Variants in ADAMTS2 observed in about 807,000 individuals in gnomAD.
ADAMTS2 encodes A disintegrin and metalloproteinase with thrombospondin motifs 2.
ADAMTS2 carries 50 observed loss-of-function variants against 123.0 expected under a neutral mutation model. The ratio of observed to expected loss-of-function variants is 0.41; its 90% CI spans 0.32 to 0.51. ADAMTS2 has a LOEUF of 0.51. Ranked by LOEUF, ADAMTS2 falls within the 20% of genes least tolerant of loss-of-function variation. The pLI is 0.35. For synonymous variants in ADAMTS2, 678 were observed against 695.4 expected (o/e 0.98, Z 0.39); for missense variants, 1,494 against 1,705.2 (o/e 0.88, Z 2.18).
At chr5:179,295,625 C>T (rs761671611) in intron 2 of ADAMTS2, among the ~76,000 whole-genome samples, 1 of 152,204 alleles carries the variant, frequency 6.6e-6, no homozygotes, top group African/African-American at 2.4e-5. Context: ...CAATTTCCAC[C>T]CTGAAGCACA....
rs563152310 is a variant in ADAMTS2 at position 179,113,282 on chromosome 5, A to G, written c.*585T>C. On this transcript the variant is annotated 3_prime_UTR_variant, in exon 22 of 22. Coordinates refer to ENST00000251582, the MANE Select transcript of ADAMTS2 (RefSeq NM_014244.5). Reference sequence around the variant, plus strand: ...TTTCACAGTGGCAGCAACAGCCAGAACCAAGTCAGCTCCAGGTGGGTGTGG... The same window carrying G: ...TTTCACAGTGGCAGCAACAGCCAGAGCCAAGTCAGCTCCAGGTGGGTGTGG... 6.1e-6 allele frequency: 1 copy of G among 162,616 alleles called. No homozygotes were observed. Among genetic ancestry groups the G allele is most frequent in the East Asian group, 1.7e-4 (1 of 5,870 alleles). The allele number at this position is 162,616 out of a possible 1,614,324, so 10.1% of individuals were successfully genotyped here. A position where few individuals can be genotyped will look rare whatever the true frequency, so the allele number is the denominator to read the frequency against.
At chr5:179,204,992 CG>C (rs1561803953) in intron 4 of ADAMTS2, among the ~76,000 whole-genome samples, 1 of 152,214 alleles carries the variant, frequency 6.6e-6, no homozygotes, top group Non-Finnish European at 1.5e-5. Flanking sequence ...TCTCCTAAAA[CG>C]GTTTCTCTGT....
At chr5:179,154,950 C>T in intron 6 of ADAMTS2, 31 bp from the exon 7 acceptor site, 1 of 1,587,932 alleles carries the variant, frequency 6.3e-7, no homozygotes, top group Non-Finnish European at 8.6e-7. Flanking sequence ...GCTCCAGATG[C>T]TGCCATAGCC....
chr5:179,190,411 G>T (rs34688217), intron 4 of ADAMTS2, among the ~76,000 whole-genome samples: 27,839 of 152,102 alleles, frequency 0.18, 2,874 homozygotes, highest in African/African-American at 0.27. Context: ...GATGCAGTTT[G>T]GTATGAATTG....
rs1762986408 is a variant in ADAMTS2 at position 179,132,722 on chromosome 5, C to A, written c.2209+55G>T. 2 of 1,613,012 alleles carry A rather than the reference C, an allele frequency of 1.2e-6. No individual in the cohort carries two copies. Among genetic ancestry groups the A allele is most frequent in the South Asian group, 1.1e-5 (1 of 91,024 alleles). Reference sequence around the variant, plus strand: ...TGAGTCAGGCCCTCAGCTGTCCGGGCATGAGCCTGCTGCAGGCATCCAGGC... The same window carrying A: ...TGAGTCAGGCCCTCAGCTGTCCGGGAATGAGCCTGCTGCAGGCATCCAGGC... On this transcript the variant is annotated intron_variant, in intron 14 of 21. Coordinates refer to ENST00000251582, the MANE Select transcript of ADAMTS2 (RefSeq NM_014244.5). The surrounding 1 kb of genome is among the most constrained non-coding windows in gnomAD (Gnocchi z 6.1).
At chr5:179,147,958 T>C (rs1177651387) in intron 10 of ADAMTS2, among the ~76,000 whole-genome samples, 1 of 152,126 alleles carries the variant, frequency 6.6e-6, no homozygotes, top group African/African-American at 2.4e-5. Flanking sequence ...GCTTGGCCTC[T>C]CCCAGGGTCT....
intron 19 of ADAMTS2, among the ~76,000 whole-genome samples, chr5:179,123,656 T>C (rs1762801270): frequency 6.6e-6 from 1 of 152,184 alleles, no homozygotes; most frequent in Non-Finnish European, 1.5e-5. Context: ...CTCTAACACC[T>C]GAGTTCAGGC....
chr5:179,318,339 T>G (rs1452761704), intron 2 of ADAMTS2, among the ~76,000 whole-genome samples: 1 of 152,186 alleles, frequency 6.6e-6, no homozygotes, highest in Non-Finnish European at 1.5e-5. Context: ...TGAGCCCTCA[T>G]TAAAAAGGCA....
rs1464009252 is a variant in ADAMTS2 at position 179,345,264 on chromosome 5, A to G, written c.65T>C (p.Leu22Pro). 1.1e-5 allele frequency: 12 copies of G among 1,130,748 alleles called. No individual in the cohort carries two copies. Among genetic ancestry groups the G allele is most frequent in the Non-Finnish European group, 1.3e-5 (12 of 923,136 alleles). The allele number at this position is 1,130,748 out of a possible 1,614,324, so 70.0% of individuals were successfully genotyped here. ...LCPALLLLLLLLPPPLLPPPP... is the reference protein window; with the variant it reads ...LCPALLLLLLPLPPPLLPPPP... The stretch of plus-strand genomic sequence containing the variant: ...CGGCGGCAGGAGCGGCGGCGGCAGC[A>G]GCAGCAGCAGCAGCAGCAGCGCGGG... Residue 22 changes from leucine (L) to proline (P), a missense_variant, in exon 1 of 22, where the codon CTG (leucine) becomes CCG (proline). Transcript: ENST00000251582. The surrounding 1 kb of genome is among the most constrained non-coding windows in gnomAD (Gnocchi z 7.5).
intron 4 of ADAMTS2, among the ~76,000 whole-genome samples, chr5:179,201,665 G>C (rs1005441513): frequency 4.6e-5 from 7 of 150,706 alleles, no homozygotes; most frequent in Admixed American, 3.3e-4. Context: ...AGACGGCCGT[G>C]GTGGTGCATG....
intron 2 of ADAMTS2, among the ~76,000 whole-genome samples, chr5:179,298,095 G>C (rs1002507910): frequency 1.3e-5 from 2 of 152,074 alleles, no homozygotes; most frequent in Non-Finnish European, 2.9e-5. Context: ...GGGTCCCCTC[G>C]TGCCACAGTG....
intron 3 of ADAMTS2, among the ~76,000 whole-genome samples, chr5:179,210,624 G>A (rs1309661464): frequency 3.3e-5 from 5 of 152,248 alleles, no homozygotes; most frequent in Non-Finnish European, 5.9e-5. Context: ...CACCTGGCAG[G>A]TGACAGCCAC....
At position 179,345,076 on chromosome 5, in the gene ADAMTS2, G is replaced by T; in HGVS notation, c.139+114C>A. On this transcript the variant is annotated intron_variant, in intron 1 of 21. Transcript: ENST00000251582. The surrounding 1 kb of genome is among the most constrained non-coding windows in gnomAD (Gnocchi z 7.5). Reference sequence around the variant, plus strand: ...TGGCCAACTTGGCCCCGGGCGGGGCGCGCGGAGTTTGCCCAAGTCAGGCTG... The same window carrying T: ...TGGCCAACTTGGCCCCGGGCGGGGCTCGCGGAGTTTGCCCAAGTCAGGCTG... The T allele has an allele frequency of 3.6e-6, 3 of 822,668 alleles. No homozygotes were observed. The highest frequency in any genetic ancestry group is 5.4e-5 in the South Asian group (1 of 18,524). The allele number at this position is 822,668 out of a possible 1,614,324, so 51.0% of individuals were successfully genotyped here. A position where few individuals can be genotyped will look rare whatever the true frequency, so the allele number is the denominator to read the frequency against.
Position 179,162,549 on chromosome 5 carries a change from C to A in ADAMTS2, c.976-3670G>T, listed in dbSNP as rs1473227407. On this transcript the variant is annotated intron_variant, in intron 5 of 21. Transcript: ENST00000251582. The surrounding 1 kb of genome is among the most constrained non-coding windows in gnomAD (Gnocchi z 5.1). Reference sequence around the variant, plus strand: ...GGGCCCCAGCTGAGCTGTTGCACACCATACCGTATGGGCCCCTCCTGGGGC... The same window carrying A: ...GGGCCCCAGCTGAGCTGTTGCACACAATACCGTATGGGCCCCTCCTGGGGC... Among the ~76,000 whole-genome samples, 1 of 152,192 alleles carries A rather than the reference C, an allele frequency of 6.6e-6. No homozygotes were observed. Among genetic ancestry groups the A allele is most frequent in the Non-Finnish European group, 1.5e-5 (1 of 68,034 alleles).
Position 179,153,506 on chromosome 5 carries a change from G to T in ADAMTS2, c.1500C>A (p.Tyr500Ter). 1 of 1,609,804 alleles carries T rather than the reference G, an allele frequency of 6.2e-7. No individual in the cohort carries two copies. The stretch of plus-strand genomic sequence containing the variant: ...GCACACTCACCGCCGTGCACATCAT[G>T]TAGCCCAGGCCGAAGTCAAAGCGGC... ...EQCRFDFGLGYMMCTAFRTFD... is the reference protein window; with the variant it reads ...EQCRFDFGLG The change falls in exon 9 of 22, where the codon TAC becomes TAA. Residue 500 changes from tyrosine (Y) to a stop codon, truncating the protein, a stop_gained. Coordinates refer to ENST00000251582, the MANE Select transcript of ADAMTS2 (RefSeq NM_014244.5). LOFTEE classifies it high-confidence loss of function.
At position 179,162,326 on chromosome 5, in the gene ADAMTS2, A is replaced by G. The variant is rs1763606601; in HGVS notation, c.976-3447T>C. ...CATGAAGGATCAGGGTGAACATACA[A>G]CCAAAGCGGGCCAAGGAGTAGGCAA... is the stretch of plus-strand genomic sequence containing the variant. On this transcript the variant is annotated intron_variant, in intron 5 of 21. Transcript: ENST00000251582. The surrounding 1 kb of genome is among the most constrained non-coding windows in gnomAD (Gnocchi z 5.1). Among the ~76,000 whole-genome samples, 1 of 152,038 alleles carries G rather than the reference A, an allele frequency of 6.6e-6. No homozygotes were observed. The highest frequency in any genetic ancestry group is 6.5e-5 in the Admixed American group (1 of 15,274).
At chr5:179,134,772 TCCATCCC>T (rs1395082884) in intron 13 of ADAMTS2, among the ~76,000 whole-genome samples, 12,603 of 84,528 alleles carry the variant, frequency 0.15, 1,876 homozygotes, top group Non-Finnish European at 0.19. Flanking sequence ...AGCTCCCGGC[TCCATCCC>T]CCAGCTCCCG....
Position 179,207,687 on chromosome 5 carries a change from G to GAGGCTGTCC in ADAMTS2, c.708_716dup (p.Asp237_Leu239dup), listed in dbSNP as rs778523767. The GAGGCTGTCC allele has an allele frequency of 6.2e-6, 10 of 1,612,546 alleles. No homozygotes were observed. The East Asian group carries it at 6.7e-5, about 11-fold the overall frequency. ...CCTCTAGGACGCCCAGGGCGCGGCT[G>GAGGCTGTCC]AGGCTGTCCAGGCTGTCCAGGGAGG... On this transcript the variant is annotated inframe_insertion, in exon 4 of 22. Transcript: ENST00000251582.
At chr5:179,144,817 C>A (rs1333232264) in intron 10 of ADAMTS2, among the ~76,000 whole-genome samples, 1 of 152,172 alleles carries the variant, frequency 6.6e-6, no homozygotes, top group Non-Finnish European at 1.5e-5. Flanking sequence ...ATCTTCTTGA[C>A]CTAAGTAATG....
Sources: gnomAD v4.1 joint callset for allele counts (sites outside exome capture counted in the v4.1 genomes callset) on GRCh38, gnomAD v4.1.1 for gene constraint, Gnocchi (gnomAD v3.1) non-coding constraint, MANE v1.5 for transcripts, NCBI Gene and HGNC (gene_info 2026-07-23, HGNC 2026-07-21) for gene names.